Variants in TIMP2 observed in about 807,000 individuals in gnomAD.
TIMP2 encodes the protein metalloproteinase inhibitor 2.
In TIMP2, 5 loss-of-function variants were observed where a neutral mutation model predicts 24.3. The ratio of observed to expected loss-of-function variants is 0.21; its 90% confidence interval spans 0.11 to 0.43. The LOEUF (loss-of-function observed/expected upper bound fraction) is 0.43. Ranked by LOEUF, TIMP2 falls within the 20% of genes least tolerant of loss-of-function variation. TIMP2 has a pLI of 1.00. For synonymous variants in TIMP2, 130 were observed against 123.2 expected (o/e 1.06, Z -0.37); for missense variants, 221 against 297.5 (o/e 0.74, Z 1.89).
intron 1 of TIMP2, among the ~76,000 whole-genome samples, chr17:78,883,375 C>T (rs565941661): frequency 2.0e-4 from 31 of 152,198 alleles, no homozygotes; most frequent in Non-Finnish European, 3.8e-4. Flanking sequence ...TGGTGCAGGG[C>T]GGGACCGTGA....
chr17:78,912,531 T>A (rs1038288432), intron 1 of TIMP2, among the ~76,000 whole-genome samples: 6 of 152,226 alleles, frequency 3.9e-5, no homozygotes, highest in African/African-American at 1.4e-4. Flanking sequence ...CCATCTTCCC[T>A]GCTCTAGCCC....
intron 1 of TIMP2, among the ~76,000 whole-genome samples, chr17:78,907,577 T>A (rs749390595): frequency 1.1e-4 from 17 of 152,136 alleles, no homozygotes; most frequent in Non-Finnish European, 1.8e-4. Context: ...ACAGGTATGA[T>A]AATAATGAAA....
chr17:78,898,796 GGT>G (rs1487979938), intron 1 of TIMP2: 1 of 152,106 alleles, frequency 6.6e-6, no homozygotes, highest in East Asian at 1.9e-4. Context: ...GGAGTGCAGT[GGT>G]GCAATCTCAG....
At chr17:78,878,488 G>A (rs545276385) in intron 1 of TIMP2, among the ~76,000 whole-genome samples, 6 of 152,290 alleles carry the variant, frequency 3.9e-5, no homozygotes, top group African/African-American at 1.4e-4. Context: ...GGATTGGGAC[G>A]GTGGCATCAT....
At chr17:78,915,922 G>C (rs2070253892) in intron 1 of TIMP2, among the ~76,000 whole-genome samples, 1 of 152,236 alleles carries the variant, frequency 6.6e-6, no homozygotes, top group Non-Finnish European at 1.5e-5. Context: ...GTACAATGGG[G>C]ATGAGGATAG....
chr17:78,891,663 G>GT lies in TIMP2; in HGVS notation c.131-17745dup. On this transcript the variant is annotated intron_variant, in intron 1 of 4. Transcript: ENST00000262768. This position sits in a 1 kb window ranked among gnomAD's most constrained non-coding sequence, Gnocchi z 4.5. Reference sequence around the variant, plus strand: ...ACAAAGCAAACTGCCCCCTTTCCCAGTTGCCTCCTCCCCGCCCGAGCTGTT... The same window carrying GT: ...ACAAAGCAAACTGCCCCCTTTCCCAGTTTGCCTCCTCCCCGCCCGAGCTGTT... 6.4e-7 allele frequency: 1 copy of GT among 1,551,030 alleles called. No homozygotes were observed. Among genetic ancestry groups the GT allele is most frequent in the Non-Finnish European group, 8.7e-7 (1 of 1,147,108 alleles).
intron 1 of TIMP2, chr17:78,892,594 G>T: frequency 7.4e-7 from 1 of 1,357,424 alleles, no homozygotes; most frequent in Non-Finnish European, 9.8e-7. Flanking sequence ...CTCTTGACCC[G>T]TGCCCACCAG....
At chr17:78,917,385 G>A (rs1344051865) in intron 1 of TIMP2, among the ~76,000 whole-genome samples, 2 of 150,798 alleles carry the variant, frequency 1.3e-5, no homozygotes, top group South Asian at 2.1e-4. Context: ...AGCCAAGATC[G>A]CACCACTGCA....
chr17:78,907,958 A>T (rs943430270), intron 1 of TIMP2, among the ~76,000 whole-genome samples: 10 of 151,984 alleles, frequency 6.6e-5, no homozygotes, highest in Admixed American at 5.2e-4. Context: ...ACATGGCGAA[A>T]CCCCATCTGT....
chr17:78,878,984 G>C (rs542542295), intron 1 of TIMP2, among the ~76,000 whole-genome samples: 6 of 152,254 alleles, frequency 3.9e-5, no homozygotes, highest in Non-Finnish European at 7.3e-5. Flanking sequence ...GCACGCCGCA[G>C]ACATGAAGGA....
intron 3 of TIMP2, among the ~76,000 whole-genome samples, chr17:78,861,930 A>C (rs1205923708): frequency 2.0e-5 from 3 of 152,162 alleles, no homozygotes; most frequent in African/African-American, 7.2e-5. Flanking sequence ...ATAAATGTGA[A>C]GAGAGGACCG....
Position 78,924,787 on chromosome 17 carries a change from G to A in TIMP2, c.130+172C>T, listed in dbSNP as rs1406644707. ...AAAGAAAGGGAGAGGAGGGAGGGGG[G>A]AAAGAAAGTCGGCTCTGGGCGTCCA... On this transcript the variant is annotated intron_variant, in intron 1 of 4. Transcript: ENST00000262768. This position sits in a 1 kb window ranked among gnomAD's most constrained non-coding sequence, Gnocchi z 5.3. Among the ~76,000 whole-genome samples, 1 of 151,966 alleles carries A rather than the reference G, an allele frequency of 6.6e-6. No homozygotes were observed. Among genetic ancestry groups the A allele is most frequent in the Non-Finnish European group, 1.5e-5 (1 of 67,968 alleles).
At chr17:78,892,213 C>A in intron 1 of TIMP2, 1 of 1,551,030 alleles carries the variant, frequency 6.4e-7, no homozygotes, top group Non-Finnish European at 8.7e-7. Flanking sequence ...GCTTGGCATC[C>A]GCTCTTCTCT....
rs555993120 is a variant in TIMP2 at position 78,885,655 on chromosome 17, G to C, written c.131-11736C>G. ...GTCCGGAAGAGAGGTGGTGGGAAGA[G>C]AGATGCTGGAAGCTGGGTGTGAGGG... On this transcript the variant is annotated intron_variant, in intron 1 of 4. Transcript: ENST00000262768. Among the ~76,000 whole-genome samples the C allele has an allele frequency of 2.0e-5, 3 of 152,312 alleles. No homozygotes were observed. In the East Asian group the frequency reaches 5.8e-4, roughly 29 times the overall value.
chr17:78,871,718 C>T (rs1022207880), intron 2 of TIMP2, among the ~76,000 whole-genome samples: 6 of 151,568 alleles, frequency 4.0e-5, no homozygotes, highest in African/African-American at 9.7e-5. Context: ...TGGTGGCGGG[C>T]GCCTGTAGTC....
At chr17:78,871,509 G>C (rs1340480702) in intron 2 of TIMP2, among the ~76,000 whole-genome samples, 1 of 151,044 alleles carries the variant, frequency 6.6e-6, no homozygotes, top group African/African-American at 2.4e-5. Flanking sequence ...TGATTCTTTG[G>C]AGTCACTCAA....
chr17:78,903,826 AAGC>A (rs1179093685), intron 1 of TIMP2, among the ~76,000 whole-genome samples: 1 of 151,642 alleles, frequency 6.6e-6, no homozygotes, highest in Admixed American at 6.6e-5. Flanking sequence ...GGTTTCCAGG[AAGC>A]AGGAGTAGCT....
At chr17:78,897,776 C>G (rs534802913) in intron 1 of TIMP2, 2 of 152,408 alleles carry the variant, frequency 1.3e-5, no homozygotes, top group South Asian at 4.1e-4. Context: ...CCCACCTCGG[C>G]CTGTAACAGA....
rs2069888734 is a variant in TIMP2, at chr17:78,891,289, T to C, written c.131-17370A>G. Reference sequence around the variant, plus strand: ...CCTCCTCCTCTGCTGGGCTCCTGGGTTCCCCGGCAGGCAGCATCTCTGGGT... The same window carrying C: ...CCTCCTCCTCTGCTGGGCTCCTGGGCTCCCCGGCAGGCAGCATCTCTGGGT... On this transcript the variant is annotated intron_variant, in intron 1 of 4. Coordinates refer to ENST00000262768, the MANE Select transcript of TIMP2 (RefSeq NM_003255.5). The surrounding 1 kb of genome is among the most constrained non-coding windows in gnomAD (Gnocchi z 4.5). 2.6e-6 allele frequency: 4 copies of C among 1,550,564 alleles called. No homozygotes were observed. The South Asian group carries it at 4.8e-5, about 18-fold the overall frequency.
Sources: allele counts gnomAD v4.1 joint callset (sites outside exome capture counted in the v4.1 genomes callset), GRCh38; gene constraint gnomAD v4.1.1; non-coding constraint Gnocchi (gnomAD v3.1); transcripts MANE v1.5; gene names NCBI Gene and HGNC (gene_info 2026-07-23, HGNC 2026-07-21).